Variants in PARD3 observed in about 807,000 individuals in gnomAD.
PARD3 encodes partitioning defective 3 homolog.
PARD3 carries 75 observed loss-of-function variants against 155.4 expected under a neutral mutation model. That is an observed-to-expected ratio of 0.48 (90% CI 0.40 to 0.58). The LOEUF (loss-of-function observed/expected upper bound fraction) is 0.58, where lower values mean the gene tolerates loss of function less well. Among genes scored for constraint, PARD3 ranks in the 20% least tolerant of loss-of-function variants. The pLI is 0.00. For synonymous variants in PARD3, 576 were observed against 610.5 expected (o/e 0.94, Z 0.83); for missense variants, 1,642 against 1,721.7 (o/e 0.95, Z 0.82).
At chr10:34,605,996 CCTATATATATATATCTCCTATAT>C (rs1263084114) in intron 2 of PARD3, among the ~76,000 whole-genome samples, 2 of 112,266 alleles carry the variant, frequency 1.8e-5, no homozygotes, top group Non-Finnish European at 3.5e-5. Flanking sequence ...ATATATATCT[CCTATATATATATATCTCCTATAT>C]CTATATCTCC....
chr10:34,609,191 A>C (rs1802475598), intron 2 of PARD3, among the ~76,000 whole-genome samples: 1 of 152,232 alleles, frequency 6.6e-6, no homozygotes, highest in South Asian at 2.1e-4. Context: ...TCTATTTAAA[A>C]TTTAGAATCC....
At position 34,678,274 on chromosome 10, in the gene PARD3, A is replaced by G. The variant is rs568811740; in HGVS notation, c.222+18044T>C. On this transcript the variant is annotated intron_variant, in intron 2 of 24. Coordinates refer to ENST00000374788, the MANE Select transcript of PARD3 (RefSeq NM_001184785.2). ...TTTTTTGTAGAGACGGGGTTTCACC[A>G]TGTTGCCCAGGCTGGTCTCAAACTT... Among the ~76,000 whole-genome samples the G allele has an allele frequency of 9.2e-4, 140 of 152,112 alleles. 3 individuals carry two copies. The South Asian group carries it at 0.029, about 31-fold the overall frequency.
At chr10:34,714,833 G>A (rs1002780400) in intron 1 of PARD3, among the ~76,000 whole-genome samples, 3 of 150,968 alleles carry the variant, frequency 2.0e-5, no homozygotes, top group African/African-American at 7.3e-5. Flanking sequence ...GGAGGGCAGT[G>A]GTGCATTCTT....
At chr10:34,220,357 G>A (rs551082648) in intron 22 of PARD3, among the ~76,000 whole-genome samples, 1 of 152,208 alleles carries the variant, frequency 6.6e-6, no homozygotes, top group South Asian at 2.1e-4. Context: ...TTTCATCTCC[G>A]GAAGTAACCA....
At chr10:34,512,951 C>G (rs1395604282) in intron 3 of PARD3, among the ~76,000 whole-genome samples, 1 of 152,028 alleles carries the variant, frequency 6.6e-6, no homozygotes, top group East Asian at 1.9e-4. Flanking sequence ...TTAGGCAGTT[C>G]TTTTTTTCCT....
chr10:34,367,032 T>C (rs1328928021), intron 12 of PARD3, among the ~76,000 whole-genome samples: 1 of 152,196 alleles, frequency 6.6e-6, no homozygotes, highest in Admixed American at 6.5e-5. Context: ...GGTAAAATAA[T>C]GCTGAGGAAA....
chr10:34,612,228 A>C (rs2090964528), intron 2 of PARD3, among the ~76,000 whole-genome samples: 1 of 152,162 alleles, frequency 6.6e-6, no homozygotes, highest in South Asian at 2.1e-4. Flanking sequence ...GTGTGTATTT[A>C]ATTGTATGTT....
intron 22 of PARD3, among the ~76,000 whole-genome samples, chr10:34,215,329 T>C (rs1477320706): frequency 6.6e-6 from 1 of 152,222 alleles, no homozygotes; most frequent in East Asian, 1.9e-4. Flanking sequence ...CTAAGTTTTA[T>C]GTGAAACTCT....
chr10:34,197,560 T>C (rs950433132), intron 22 of PARD3, among the ~76,000 whole-genome samples: 1 of 152,196 alleles, frequency 6.6e-6, no homozygotes, highest in Non-Finnish European at 1.5e-5. Flanking sequence ...ACATAAAAAT[T>C]ATTCCATCCC....
intron 2 of PARD3, among the ~76,000 whole-genome samples, chr10:34,686,145 T>C (rs1157990335): frequency 6.6e-6 from 1 of 152,228 alleles, no homozygotes; most frequent in East Asian, 1.9e-4. Flanking sequence ...AAGTGTGAAC[T>C]ACAATTGTTA....
intron 1 of PARD3, among the ~76,000 whole-genome samples, chr10:34,713,053 CA>C (rs1244578737): frequency 6.6e-6 from 1 of 151,802 alleles, no homozygotes; most frequent in African/African-American, 2.4e-5. Context: ...TACTAAAATA[CA>C]AAAATAAATT....
At chr10:34,414,824 CAAAT>C (rs1470934618) in intron 5 of PARD3, among the ~76,000 whole-genome samples, 1 of 138,178 alleles carries the variant, frequency 7.2e-6, no homozygotes, top group South Asian at 2.5e-4. Context: ...ATTTAGAAAA[CAAAT>C]AAAAAAAATT....
Position 34,333,428 on chromosome 10 carries a change from C to CA in PARD3, c.2606-2085dup, listed in dbSNP as rs559973501. 1.1e-4 allele frequency among the ~76,000 whole-genome samples: 17 copies of CA among 152,226 alleles called. No individual in the cohort carries two copies. In the South Asian group the frequency reaches 2.5e-3, roughly 22 times the overall value. On this transcript the variant is annotated intron_variant, in intron 18 of 24. Coordinates refer to ENST00000374788, the MANE Select transcript of PARD3 (RefSeq NM_001184785.2). ...AAACGATAATTTTGTAAGTGCAATT[C>CA]AGAGCATACCTACCTATTTGTTTCC...
At chr10:34,281,125 G>T (rs942749241) in intron 21 of PARD3, among the ~76,000 whole-genome samples, 1 of 152,126 alleles carries the variant, frequency 6.6e-6, no homozygotes, top group African/African-American at 2.4e-5. Context: ...AGGCTAAGTA[G>T]ACCTGAAGTT....
At chr10:34,462,235 C>G (rs2077698076) in intron 4 of PARD3, among the ~76,000 whole-genome samples, 2 of 152,190 alleles carry the variant, frequency 1.3e-5, no homozygotes, top group Admixed American at 6.5e-5. Context: ...AGCTACAGGT[C>G]TGTCACAGAG....
intron 2 of PARD3, among the ~76,000 whole-genome samples, chr10:34,682,942 A>G (rs2093872677): frequency 6.6e-6 from 1 of 152,166 alleles, no homozygotes; most frequent in African/African-American, 2.4e-5. Flanking sequence ...TAATTTGACA[A>G]TGGTGGTGGT....
At chr10:34,596,279 C>A (rs182774121) in intron 2 of PARD3, among the ~76,000 whole-genome samples, 1 of 151,862 alleles carries the variant, frequency 6.6e-6, no homozygotes, top group East Asian at 1.9e-4. Flanking sequence ...TTGACCATAC[C>A]TGCATATGGA....
Position 34,454,462 on chromosome 10 carries a change from C to A in PARD3, c.583-4014G>T, listed in dbSNP as rs183664849. On this transcript the variant is annotated intron_variant, in intron 4 of 24. Transcript: ENST00000374788. ...AATTGTTAAAATATGGCACTCGTAACCAATCTATTCAAGACTATATATGCT... is the reference window on the plus strand; with the variant it reads ...AATTGTTAAAATATGGCACTCGTAAACAATCTATTCAAGACTATATATGCT... Among the ~76,000 whole-genome samples the A allele has an allele frequency of 4.4e-4, 67 of 151,944 alleles. No individual in the cohort carries two copies. The East Asian group carries it at 0.012, about 28-fold the overall frequency.
At chr10:34,310,220 G>C (rs1306908873) in intron 20 of PARD3, among the ~76,000 whole-genome samples, 3 of 152,154 alleles carry the variant, frequency 2.0e-5, no homozygotes, top group East Asian at 3.9e-4. Context: ...GCATTCACAA[G>C]GAATATTTCC....
Sources: gnomAD v4.1 joint callset for allele counts (sites outside exome capture counted in the v4.1 genomes callset) on GRCh38, gnomAD v4.1.1 for gene constraint, MANE v1.5 for transcripts, NCBI Gene and HGNC (gene_info 2026-07-23, HGNC 2026-07-21) for gene names.